The following TIAM1 variants were observed in gnomAD, a reference collection of about 807,000 sequenced individuals.
The protein encoded by TIAM1 is TIAM Rac1 associated GEF 1.
Under a neutral mutation model 163.5 loss-of-function variants are expected in TIAM1, and 65 were observed. That is an observed-to-expected ratio of 0.40 (90% CI 0.33 to 0.49). The LOEUF (loss-of-function observed/expected upper bound fraction) is 0.49. TIAM1 is among the 20% of genes least tolerant of loss of function. TIAM1 has a pLI of 0.77. For missense variants in TIAM1, 1,789 were observed against 2,044.7 expected, an observed-to-expected ratio of 0.87 and a Z score of 2.41; for synonymous variants, 833 against 810.1, an observed-to-expected ratio of 1.03 and a Z score of -0.48.
intron 2 of TIAM1, among the ~76,000 whole-genome samples, chr21:31,319,305 T>G (rs1241561610): frequency 6.6e-6 from 1 of 152,204 alleles, no homozygotes; most frequent in Non-Finnish European, 1.5e-5. Flanking sequence ...TCAATTCTTT[T>G]GGGCATATAC....
intron 1 of TIAM1, among the ~76,000 whole-genome samples, chr21:31,551,084 G>A (rs531601066): frequency 6.6e-6 from 1 of 152,118 alleles, no homozygotes; most frequent in South Asian, 2.1e-4. Flanking sequence ...CACAGTGGCA[G>A]GTGCCTGTAA....
At chr21:31,294,881 C>T (rs2074174435) in intron 2 of TIAM1, among the ~76,000 whole-genome samples, 1 of 152,196 alleles carries the variant, frequency 6.6e-6, no homozygotes, top group South Asian at 2.1e-4. Flanking sequence ...ACCAGGGTGG[C>T]AGCTCTTGAG....
chr21:31,408,201 C>T (rs1458079697), intron 2 of TIAM1, among the ~76,000 whole-genome samples: 1 of 152,198 alleles, frequency 6.6e-6, no homozygotes, highest in Non-Finnish European at 1.5e-5. Flanking sequence ...ATGTGTCTGT[C>T]TATCCTTCTT....
chr21:31,295,241 C>T (rs778706342), intron 2 of TIAM1, among the ~76,000 whole-genome samples: 19 of 152,188 alleles, frequency 1.2e-4, no homozygotes, highest in South Asian at 4.1e-4. Context: ...GAGGCCAAGG[C>T]GGGCGGATCA....
At chr21:31,220,946 T>C (rs961201848) in intron 8 of TIAM1, among the ~76,000 whole-genome samples, 3 of 152,160 alleles carry the variant, frequency 2.0e-5, no homozygotes, top group South Asian at 4.1e-4. Flanking sequence ...CACTCAGCAT[T>C]ATGGGAAGCT....
rs199772339 is a variant in TIAM1, at chr21:31,266,501, T to C, written c.472A>G (p.Thr158Ala). Residue 158 changes from threonine to alanine, a missense_variant, in exon 4 of 28, where the codon ACT becomes GCT. Coordinates refer to ENST00000541036, the MANE Select transcript of TIAM1 (RefSeq NM_001353694.2). The stretch of plus-strand genomic sequence containing the variant: ...TTAAAGCTCGCCGTCTCCATGAAAG[T>C]GGGCCCATTGGATGTATAGGAATGC... The part of the protein sequence containing the change: ...RQHSYTSNGP[T>A]FMETASFKKK... 90 of 1,614,180 alleles carry C rather than the reference T, an allele frequency of 5.6e-5. No homozygotes were observed. The East Asian group carries it at 2.0e-3, about 35-fold the overall frequency.
chr21:31,393,487 G>A (rs1241359763), intron 2 of TIAM1, among the ~76,000 whole-genome samples: 1 of 152,142 alleles, frequency 6.6e-6, no homozygotes, highest in Non-Finnish European at 1.5e-5. Context: ...AAGAGACATG[G>A]AGGCTCCCAG....
Position 31,120,332 on chromosome 21 carries a change from T to C in TIAM1, c.*36A>G, listed in dbSNP as rs754935121. 1 of 1,558,938 alleles carries C rather than the reference T, an allele frequency of 6.4e-7. No individual in the cohort carries two copies. The highest frequency in any genetic ancestry group is 8.7e-7 in the Non-Finnish European group (1 of 1,149,252). ...GGGTGGGCAGAGTTAGGGCAGGAAG[T>C]ATCTACACACATTCTCTACGGGGCA... On this transcript the variant is annotated 3_prime_UTR_variant, in exon 28 of 28. Coordinates refer to ENST00000541036, the MANE Select transcript of TIAM1 (RefSeq NM_001353694.2). This position sits in a 1 kb window ranked among gnomAD's most constrained non-coding sequence, Gnocchi z 4.2.
rs141010038 is a variant in TIAM1 at position 31,266,643 on chromosome 21, G to A, written c.330C>T (p.Pro110=). ...TGAGGACGATGCTGCTGTCTACGCTGGGAGTGACAGAAGAGTCAGTGTAAG... is the reference window on the plus strand; with the variant it reads ...TGAGGACGATGCTGCTGTCTACGCTAGGAGTGACAGAAGAGTCAGTGTAAG... ...PVSYTDSSVT[P]SVDSSIVLTA... Residue 110 remains proline (P), a synonymous_variant, in exon 4 of 28, where the codon CCC becomes CCT. Coordinates refer to ENST00000541036, the MANE Select transcript of TIAM1 (RefSeq NM_001353694.2). 1,348 of 1,614,208 alleles carry A rather than the reference G, an allele frequency of 8.4e-4. No homozygotes were observed. Among genetic ancestry groups the A allele is most frequent in the Admixed American group, 1.7e-3 (101 of 60,024 alleles).
intron 1 of TIAM1, among the ~76,000 whole-genome samples, chr21:31,465,344 C>T (rs55655615): frequency 0.22 from 33,763 of 152,052 alleles, 3,971 homozygotes; most frequent in South Asian, 0.28. Context: ...CCTCCCACCG[C>T]AGCCTCCCAA....
intron 2 of TIAM1, chr21:31,463,886 A>G (rs1266866926): frequency 3.3e-5 from 5 of 152,180 alleles, no homozygotes; most frequent in Non-Finnish European, 5.9e-5. Context: ...TAATAGACAA[A>G]TAAGTGAAAA....
intron 26 of TIAM1, among the ~76,000 whole-genome samples, chr21:31,124,962 T>C (rs1336889860): frequency 6.6e-6 from 1 of 152,150 alleles, no homozygotes; most frequent in Non-Finnish European, 1.5e-5. Flanking sequence ...CAGTGGGAGT[T>C]TGTACCAAGA....
intron 2 of TIAM1, among the ~76,000 whole-genome samples, chr21:31,440,884 A>C (rs1437019610): frequency 6.6e-6 from 1 of 152,234 alleles, no homozygotes; most frequent in East Asian, 1.9e-4. Context: ...TTTCAAAAAA[A>C]AAGAAAAAAA....
chr21:31,351,336 G>T (rs1377620950), intron 2 of TIAM1, among the ~76,000 whole-genome samples: 1 of 152,262 alleles, frequency 6.6e-6, no homozygotes, highest in East Asian at 1.9e-4. Flanking sequence ...TAAACTTGCT[G>T]TATGTTCCAC....
At chr21:31,385,227 A>AATTTTTAGT in intron 2 of TIAM1, among the ~76,000 whole-genome samples, 1 of 152,300 alleles carries the variant, frequency 6.6e-6, no homozygotes, top group East Asian at 1.9e-4. Context: ...ATGCCTGGCT[A>AATTTTTAGT]ATTTTTAGTA....
intron 5 of TIAM1, among the ~76,000 whole-genome samples, chr21:31,245,911 C>T (rs536173010): frequency 1.2e-3 from 189 of 152,282 alleles, no homozygotes; most frequent in African/African-American, 4.5e-3. Context: ...CTCTCAAACC[C>T]TTCCTTTGGG....
chr21:31,183,696 A>ATT (rs537476967), intron 14 of TIAM1, among the ~76,000 whole-genome samples: 19 of 140,746 alleles, frequency 1.3e-4, no homozygotes, highest in Admixed American at 2.1e-4. Flanking sequence ...ATCTGAAATC[A>ATT]TTTTTTTTTT....
At chr21:31,216,515 A>T (rs2087221876) in intron 9 of TIAM1, among the ~76,000 whole-genome samples, 1 of 152,174 alleles carries the variant, frequency 6.6e-6, no homozygotes, top group Non-Finnish European at 1.5e-5. Context: ...AATCTAAACA[A>T]GCAGTTCTGG....
chr21:31,279,508 G>A (rs960846580), intron 2 of TIAM1, among the ~76,000 whole-genome samples: 3 of 152,228 alleles, frequency 2.0e-5, no homozygotes, highest in Admixed American at 6.5e-5. Context: ...AGTGTTGGGA[G>A]TCCAAGCTGG....
Sources: gnomAD v4.1 joint callset for allele counts (sites outside exome capture counted in the v4.1 genomes callset) on GRCh38, gnomAD v4.1.1 for gene constraint, Gnocchi (gnomAD v3.1) non-coding constraint, MANE v1.5 for transcripts, NCBI Gene and HGNC (gene_info 2026-07-23, HGNC 2026-07-21) for gene names.